The following SUGCT variants were observed in gnomAD, a reference collection of about 807,000 sequenced individuals.
The protein encoded by SUGCT is succinyl-CoA:glutarate CoA-transferase.
In SUGCT, 41 loss-of-function variants were observed where a neutral mutation model predicts 55.0. The ratio of observed to expected loss-of-function variants is 0.74; its 90% CI spans 0.58 to 0.97. SUGCT has a LOEUF of 0.97. Ranked by LOEUF, SUGCT falls within the 50% of genes least tolerant of loss-of-function variation. SUGCT has a pLI of 0.00. For missense variants in SUGCT, 568 were observed against 547.8 expected (o/e 1.04, Z -0.37); for synonymous variants, 187 against 200.4 (o/e 0.93, Z 0.56).
chr7:40,192,319 C>T (rs1785964276), intron 5 of SUGCT, among the ~76,000 whole-genome samples: 1 of 152,094 alleles, frequency 6.6e-6, no homozygotes, highest in Admixed American at 6.6e-5. Flanking sequence ...AACTGAAACT[C>T]TGCCTAGAAA....
At chr7:40,841,988 T>C (rs543516411) in intron 13 of SUGCT, among the ~76,000 whole-genome samples, 1 of 152,190 alleles carries the variant, frequency 6.6e-6, no homozygotes, top group South Asian at 2.1e-4. Flanking sequence ...TCACCTTGTG[T>C]GTTAAATACT....
intron 13 of SUGCT, among the ~76,000 whole-genome samples, chr7:40,809,152 G>A: frequency 6.6e-6 from 1 of 152,160 alleles, no homozygotes; most frequent in East Asian, 1.9e-4. Context: ...CTCAAATGCA[G>A]CAGAGCCTCA....
the SUGCT span, among the ~76,000 whole-genome samples, chr7:40,894,905 C>T: frequency 6.6e-6 from 1 of 152,110 alleles, no homozygotes; most frequent in Non-Finnish European, 1.5e-5. Flanking sequence ...AATGTGTCAA[C>T]TCCTCAAGGA....
the SUGCT span, among the ~76,000 whole-genome samples, chr7:40,967,722 G>T: frequency 6.6e-6 from 1 of 151,800 alleles, no homozygotes; most frequent in Non-Finnish European, 1.5e-5. Flanking sequence ...CCGGGTTCAC[G>T]CCATTCTCCT....
chr7:40,600,718 TAGAG>T (rs1286035571), intron 12 of SUGCT, among the ~76,000 whole-genome samples: 2 of 147,574 alleles, frequency 1.4e-5, no homozygotes, highest in African/African-American at 5.2e-5. Context: ...AGAATCAAGG[TAGAG>T]AGTTTTTTTT....
At chr7:41,029,382 A>C in the SUGCT span, among the ~76,000 whole-genome samples, 1 of 152,088 alleles carries the variant, frequency 6.6e-6, no homozygotes, top group South Asian at 2.1e-4. Flanking sequence ...TCTGCATGTA[A>C]CTTCTGGAAC....
At chr7:40,968,385 C>T in the SUGCT span, among the ~76,000 whole-genome samples, 1 of 152,158 alleles carries the variant, frequency 6.6e-6, no homozygotes. Context: ...TCCAGCACAG[C>T]CTCATTTTAT....
intron 8 of SUGCT, among the ~76,000 whole-genome samples, chr7:40,302,435 C>G (rs903771493): frequency 1.3e-5 from 2 of 152,180 alleles, no homozygotes; most frequent in African/African-American, 2.4e-5. Context: ...AAGGTGCCTT[C>G]CAACAACACA....
chr7:40,770,234 C>T (rs1789023517), intron 13 of SUGCT, among the ~76,000 whole-genome samples: 1 of 152,120 alleles, frequency 6.6e-6, no homozygotes, highest in Non-Finnish European at 1.5e-5. Flanking sequence ...TTCTATTCTG[C>T]TGCATCAGGA....
chr7:40,807,823 G>C (rs1249617164), intron 13 of SUGCT, among the ~76,000 whole-genome samples: 1 of 152,226 alleles, frequency 6.6e-6, no homozygotes, highest in Non-Finnish European at 1.5e-5. Context: ...AAGCCAGTCC[G>C]ATTCCCAAAG....
chr7:40,708,437 G>A (rs1224289581), intron 12 of SUGCT, among the ~76,000 whole-genome samples: 1 of 152,190 alleles, frequency 6.6e-6, no homozygotes, highest in African/African-American at 2.4e-5. Context: ...GTTAGTGTTT[G>A]TTTCATTCTC....
chr7:40,802,279 T>C (rs1480894409), intron 13 of SUGCT, among the ~76,000 whole-genome samples: 1 of 152,042 alleles, frequency 6.6e-6, no homozygotes, highest in Non-Finnish European at 1.5e-5. Flanking sequence ...TATCCCCCTG[T>C]GGAAATTTCC....
chr7:40,678,037 C>T (rs74577037), intron 12 of SUGCT, among the ~76,000 whole-genome samples: 3,705 of 152,306 alleles, frequency 0.024, 151 homozygotes, highest in African/African-American at 0.085. Flanking sequence ...CCACAGGGCA[C>T]AGCCGCTGGC....
the SUGCT span, among the ~76,000 whole-genome samples, chr7:40,924,509 C>A: frequency 2.0e-5 from 3 of 152,288 alleles, no homozygotes; most frequent in South Asian, 6.2e-4. Context: ...CTGTCTTGGC[C>A]TCTGAAGGTG....
intron 1 of SUGCT, among the ~76,000 whole-genome samples, chr7:40,149,656 G>A (rs144397308): frequency 0.018 from 2,670 of 152,236 alleles, 75 homozygotes; most frequent in African/African-American, 0.062. Flanking sequence ...GGTAGCTCAC[G>A]CCTGTAATCT....
intron 2 of SUGCT, among the ~76,000 whole-genome samples, chr7:40,181,732 C>T (rs1304583363): frequency 2.8e-5 from 4 of 143,776 alleles, no homozygotes; most frequent in Admixed American, 7.3e-5. Context: ...GGTGACAGAG[C>T]GAGACTCCGT....
intron 9 of SUGCT, among the ~76,000 whole-genome samples, chr7:40,341,660 C>T (rs1303564467): frequency 6.6e-6 from 1 of 152,110 alleles, no homozygotes; most frequent in African/African-American, 2.4e-5. Flanking sequence ...GGGGAGGATC[C>T]AGTACTGTGA....
chr7:40,898,484 G>GT, the SUGCT span, among the ~76,000 whole-genome samples: 4 of 106,224 alleles, frequency 3.8e-5, 1 homozygote, highest in Middle Eastern at 4.3e-3. Context: ...GGAGGTCGGG[G>GT]GGGGGGGGGG....
chr7:40,182,129 G>GAGAGAATTAATGA, intron 3 of SUGCT, 101 bp downstream of exon 3: 1 of 666,240 alleles, frequency 1.5e-6, no homozygotes, highest in Middle Eastern at 4.1e-4. Context: ...GTGGGATAAG[G>GAGAGAATTAATGA]AGAGAATTAA....
Sources: gnomAD v4.1 joint callset for allele counts (sites outside exome capture counted in the v4.1 genomes callset) on GRCh38, gnomAD v4.1.1 for gene constraint, MANE v1.5 for transcripts, NCBI Gene and HGNC (gene_info 2026-07-23, HGNC 2026-07-21) for gene names.